MACROD2: variants seen among roughly 807,000 people sequenced by gnomAD.
MACROD2 encodes the protein mono-ADP ribosylhydrolase 2.
In MACROD2, 36 loss-of-function variants were observed where a neutral mutation model predicts 70.4. The observed-to-expected ratio is 0.51, with a 90% CI of 0.39 to 0.68. The LOEUF is 0.68. Ranked by LOEUF, MACROD2 falls within the 30% of genes least tolerant of loss-of-function variation. MACROD2 has a pLI of 0.00. For synonymous variants in MACROD2, 172 were observed against 178.8 expected, an observed-to-expected ratio of 0.96 and a Z score of 0.30; for missense variants, 496 against 538.4, an observed-to-expected ratio of 0.92 and a Z score of 0.78.
chr20:15,994,351 AAAGT>A (rs1291915692), intron 15 of MACROD2, among the ~76,000 whole-genome samples: 3 of 152,306 alleles, frequency 2.0e-5, no homozygotes, highest in South Asian at 2.1e-4. Flanking sequence ...CTGGCTTATT[AAAGT>A]AAGACACAAT....
chr20:14,802,521 G>A (rs992219193), intron 5 of MACROD2, among the ~76,000 whole-genome samples: 10 of 151,866 alleles, frequency 6.6e-5, no homozygotes, highest in African/African-American at 2.4e-4. Flanking sequence ...TCACACATAC[G>A]CAATTATTTC....
intron 4 of MACROD2, among the ~76,000 whole-genome samples, chr20:14,656,701 C>T (rs376816071): frequency 1.4e-4 from 22 of 152,232 alleles, no homozygotes; most frequent in African/African-American, 5.1e-4. Context: ...CAGTGAATTT[C>T]GCGTCAGACC....
At chr20:15,455,512 A>G (rs965150026) in intron 7 of MACROD2, among the ~76,000 whole-genome samples, 24 of 152,188 alleles carry the variant, frequency 1.6e-4, no homozygotes, top group African/African-American at 5.5e-4. Flanking sequence ...TGATTTATGT[A>G]CATACCCTTG....
intron 8 of MACROD2, among the ~76,000 whole-genome samples, chr20:15,613,285 A>T (rs758830120): frequency 3.3e-5 from 5 of 152,144 alleles, no homozygotes; most frequent in Admixed American, 6.5e-5. Context: ...TCTACTTATT[A>T]TGACAGCTTG....
At chr20:15,325,286 GA>G (rs1441765904) in intron 6 of MACROD2, among the ~76,000 whole-genome samples, 1 of 151,982 alleles carries the variant, frequency 6.6e-6, no homozygotes. Flanking sequence ...ATGACCTTTT[GA>G]GGTACAAGGA....
intron 4 of MACROD2, among the ~76,000 whole-genome samples, chr20:14,507,516 T>C (rs571504656): frequency 6.6e-6 from 1 of 152,254 alleles, no homozygotes; most frequent in Non-Finnish European, 1.5e-5. Context: ...ATGGCCCAAA[T>C]GGCCAAGTTA....
intron 4 of MACROD2, among the ~76,000 whole-genome samples, chr20:14,644,796 AT>A: frequency 6.6e-6 from 1 of 152,272 alleles, no homozygotes. Context: ...CAAACTTCAA[AT>A]ACAATAGTAA....
At chr20:14,626,902 C>T (rs948644024) in intron 4 of MACROD2, 4 of 152,126 alleles carry the variant, frequency 2.6e-5, no homozygotes, top group African/African-American at 9.7e-5. Flanking sequence ...GTGTTATATA[C>T]CAGCAAACAA....
chr20:14,115,568 G>A (rs942487467), intron 3 of MACROD2, among the ~76,000 whole-genome samples: 2 of 152,148 alleles, frequency 1.3e-5, no homozygotes, highest in African/African-American at 4.8e-5. Context: ...TTCTTCAAAT[G>A]GCTTGCAGCT....
intron 8 of MACROD2, among the ~76,000 whole-genome samples, chr20:15,817,657 C>G (rs1177675330): frequency 1.3e-5 from 2 of 152,242 alleles, no homozygotes; most frequent in East Asian, 3.9e-4. Context: ...TCCCTGGTGC[C>G]AGTATCTTAG....
intron 4 of MACROD2, among the ~76,000 whole-genome samples, chr20:14,586,381 A>T (rs888296865): frequency 6.6e-6 from 1 of 152,050 alleles, no homozygotes; most frequent in Admixed American, 6.6e-5. Context: ...ATCTTTCCTT[A>T]AGTTTCCTAA....
At chr20:15,544,289 G>T (rs1375080062) in intron 8 of MACROD2, among the ~76,000 whole-genome samples, 1 of 152,152 alleles carries the variant, frequency 6.6e-6, no homozygotes, top group Non-Finnish European at 1.5e-5. Flanking sequence ...AGTGATTCTT[G>T]TATAGCTACA....
intron 7 of MACROD2, among the ~76,000 whole-genome samples, chr20:15,463,063 T>C (rs1015023187): frequency 3.9e-5 from 6 of 152,230 alleles, no homozygotes; most frequent in Non-Finnish European, 7.3e-5. Context: ...ATGCTATTCA[T>C]GATAAAAGCT....
intron 6 of MACROD2, among the ~76,000 whole-genome samples, chr20:15,325,376 G>A (rs1307577541): frequency 6.6e-6 from 1 of 152,140 alleles, no homozygotes; most frequent in East Asian, 1.9e-4. Context: ...ACACATCTGT[G>A]TTTGTTCACA....
intron 4 of MACROD2, among the ~76,000 whole-genome samples, chr20:14,564,004 A>C (rs1979612819): frequency 6.6e-6 from 1 of 151,986 alleles, no homozygotes; most frequent in Admixed American, 6.6e-5. Context: ...CTAGACACAG[A>C]TCAATGGAAC....
At chr20:14,317,108 T>TC (rs1178253521) in intron 3 of MACROD2, among the ~76,000 whole-genome samples, 1 of 152,162 alleles carries the variant, frequency 6.6e-6, no homozygotes, top group Non-Finnish European at 1.5e-5. Context: ...TAAGCTGATT[T>TC]CCTATTTGCA....
chr20:15,932,469 G>A (rs2065595454), intron 10 of MACROD2, among the ~76,000 whole-genome samples: 1 of 152,238 alleles, frequency 6.6e-6, no homozygotes, highest in East Asian at 1.9e-4. Flanking sequence ...ATATAGGTTG[G>A]TAACTTCTGC....
chr20:15,576,557 T>TTTTC (rs1337174911), intron 8 of MACROD2, among the ~76,000 whole-genome samples: 1 of 151,578 alleles, frequency 6.6e-6, no homozygotes, highest in Non-Finnish European at 1.5e-5. Flanking sequence ...AAAATGTTTT[T>TTTTC]TTTTTTTCTT....
intron 4 of MACROD2, among the ~76,000 whole-genome samples, chr20:14,520,791 T>C (rs1427054436): frequency 6.6e-6 from 1 of 152,190 alleles, no homozygotes; most frequent in Non-Finnish European, 1.5e-5. Flanking sequence ...GGCTTTTACT[T>C]TGTTTTTTTC....
Sources: gnomAD v4.1 joint callset for allele counts (sites outside exome capture counted in the v4.1 genomes callset) on GRCh38, gnomAD v4.1.1 for gene constraint, MANE v1.5 for transcripts, NCBI Gene and HGNC (gene_info 2026-07-23, HGNC 2026-07-21) for gene names.